Variants in CNTNAP2 observed in about 807,000 individuals in gnomAD.
The protein encoded by CNTNAP2 is contactin associated protein 2.
CNTNAP2 carries 98 observed loss-of-function variants against 155.2 expected under a neutral mutation model. The observed-to-expected ratio is 0.63, with a 90% CI of 0.54 to 0.75. CNTNAP2 has a LOEUF of 0.75. CNTNAP2 is among the 30% of genes least tolerant of loss of function. CNTNAP2 has a pLI of 0.00. For synonymous variants in CNTNAP2, 651 were observed against 631.2 expected (o/e 1.03, Z -0.47); for missense variants, 1,727 against 1,688.1 (o/e 1.02, Z -0.40).
intron 2 of CNTNAP2, among the ~76,000 whole-genome samples, chr7:146,816,860 C>CA (rs1803181046): frequency 6.6e-6 from 1 of 152,154 alleles, no homozygotes; most frequent in South Asian, 2.1e-4. Flanking sequence ...AAAACATGTG[C>CA]AATAGCACTT....
At chr7:147,441,824 T>A (rs1346737761) in intron 10 of CNTNAP2, among the ~76,000 whole-genome samples, 3 of 94,480 alleles carry the variant, frequency 3.2e-5, no homozygotes, top group Non-Finnish European at 7.7e-5. Context: ...TCTCTCTCTC[T>A]CTCTCTCTCT....
At chr7:146,157,589 C>A (rs113298781) in intron 1 of CNTNAP2, among the ~76,000 whole-genome samples, 149 of 152,306 alleles carry the variant, frequency 9.8e-4, no homozygotes, top group African/African-American at 3.3e-3. Context: ...GACATTATAT[C>A]CCGTGCATGG....
At chr7:147,413,660 A>T (rs1797140401) in intron 10 of CNTNAP2, among the ~76,000 whole-genome samples, 1 of 152,184 alleles carries the variant, frequency 6.6e-6, no homozygotes, top group Admixed American at 6.5e-5. Context: ...ATCATCTGGG[A>T]TCTTGTCAAA....
At chr7:147,439,923 G>A (rs774046733) in intron 10 of CNTNAP2, among the ~76,000 whole-genome samples, 14 of 151,954 alleles carry the variant, frequency 9.2e-5, no homozygotes, top group Admixed American at 1.3e-4. Flanking sequence ...TTCCAGTGGC[G>A]TGGAATATCT....
intron 8 of CNTNAP2, among the ~76,000 whole-genome samples, chr7:147,272,252 T>C (rs1245324454): frequency 6.6e-6 from 1 of 152,148 alleles, no homozygotes; most frequent in Non-Finnish European, 1.5e-5. Context: ...ATAACAAACT[T>C]CTACTCATCC....
chr7:146,321,859 T>A (rs957835356), intron 1 of CNTNAP2, among the ~76,000 whole-genome samples: 16 of 152,326 alleles, frequency 1.1e-4, no homozygotes, highest in Admixed American at 8.5e-4. Flanking sequence ...GAAAGCAGCC[T>A]CTGTATGGGA....
At chr7:146,484,639 AAAAGAAAG>A (rs537490583) in intron 1 of CNTNAP2, among the ~76,000 whole-genome samples, 1 of 152,102 alleles carries the variant, frequency 6.6e-6, no homozygotes, top group Non-Finnish European at 1.5e-5. Flanking sequence ...AGAAAGAAAG[AAAAGAAAG>A]AAAGAAAGAA....
In CNTNAP2 at chr7:147,402,952, G is replaced by GA. The variant is rs201092537; in HGVS notation, c.1670+7191dup. On this transcript the variant is annotated intron_variant, in intron 10 of 23. Coordinates refer to ENST00000361727, the MANE Select transcript of CNTNAP2 (RefSeq NM_014141.6). ...AGCCAAAGACATTCCAAATAATCCT[G>GA]AAAAAAAAAAAAAAAAAAACTAGTT... Among the ~76,000 whole-genome samples, 381 of 94,816 alleles carry GA rather than the reference G, an allele frequency of 4.0e-3. 1 individual carries two copies. Among genetic ancestry groups the GA allele is most frequent in the Middle Eastern group, 0.012 (2 of 162 alleles). 62.2% of individuals were successfully genotyped at this position (94,816 alleles called of 152,430 possible).
At chr7:147,069,362 A>G (rs779787596) in intron 4 of CNTNAP2, among the ~76,000 whole-genome samples, 1 of 152,204 alleles carries the variant, frequency 6.6e-6, no homozygotes, top group Non-Finnish European at 1.5e-5. Flanking sequence ...CATAACCATA[A>G]TCAGAAAAGA....
chr7:148,208,437 A>G (rs1795490233), intron 18 of CNTNAP2, among the ~76,000 whole-genome samples: 1 of 152,138 alleles, frequency 6.6e-6, no homozygotes, highest in Non-Finnish European at 1.5e-5. Context: ...ATGAGTGAGT[A>G]TAGAGTGTGA....
At chr7:148,164,322 G>A (rs1805608007) in intron 17 of CNTNAP2, among the ~76,000 whole-genome samples, 1 of 152,166 alleles carries the variant, frequency 6.6e-6, no homozygotes, top group Non-Finnish European at 1.5e-5. Flanking sequence ...AGAAATAGCA[G>A]GTACAGAATT....
intron 1 of CNTNAP2, among the ~76,000 whole-genome samples, chr7:146,237,552 T>G (rs1584818931): frequency 6.6e-6 from 1 of 152,192 alleles, no homozygotes; most frequent in Non-Finnish European, 1.5e-5. Context: ...AAAGGAGTAA[T>G]TATTTTTGCT....
intron 3 of CNTNAP2, among the ~76,000 whole-genome samples, chr7:146,900,421 A>C (rs1302086061): frequency 1.3e-5 from 2 of 152,206 alleles, no homozygotes; most frequent in Non-Finnish European, 2.9e-5. Flanking sequence ...GTTTTTCAAG[A>C]GGGAAAGCAG....
intron 3 of CNTNAP2, among the ~76,000 whole-genome samples, chr7:146,887,304 A>C (rs911312389): frequency 1.3e-5 from 2 of 151,532 alleles, no homozygotes; most frequent in African/African-American, 4.9e-5. Flanking sequence ...GCCCACCACC[A>C]CACCCAACTG....
At chr7:148,134,119 C>G (rs1450574464) in intron 16 of CNTNAP2, among the ~76,000 whole-genome samples, 2 of 152,140 alleles carry the variant, frequency 1.3e-5, no homozygotes, top group Admixed American at 1.3e-4. Context: ...CAGGCCTTGT[C>G]GGAAATTAGT....
At chr7:148,082,973 G>A (rs572520945) in intron 15 of CNTNAP2, among the ~76,000 whole-genome samples, 5 of 152,030 alleles carry the variant, frequency 3.3e-5, no homozygotes, top group East Asian at 1.9e-4. Flanking sequence ...CACTGCACCC[G>A]GCCTGAACTT....
chr7:148,371,205 GA>G (rs941706357), intron 21 of CNTNAP2, among the ~76,000 whole-genome samples: 6 of 151,154 alleles, frequency 4.0e-5, no homozygotes, highest in East Asian at 3.9e-4. Context: ...AACAAAACTG[GA>G]AAAAAAAATC....
At chr7:147,148,896 G>A (rs1801769866) in intron 8 of CNTNAP2, among the ~76,000 whole-genome samples, 1 of 152,208 alleles carries the variant, frequency 6.6e-6, no homozygotes, top group African/African-American at 2.4e-5. Context: ...CTGACTTCAG[G>A]AATGAAGCCG....
At chr7:146,818,943 T>G (rs1446014518) in intron 2 of CNTNAP2, among the ~76,000 whole-genome samples, 1 of 152,064 alleles carries the variant, frequency 6.6e-6, no homozygotes, top group Non-Finnish European at 1.5e-5. Flanking sequence ...GTAGGTAAAT[T>G]TTTAAATAAT....
Sources: allele counts gnomAD v4.1 joint callset (sites outside exome capture counted in the v4.1 genomes callset), GRCh38; gene constraint gnomAD v4.1.1; transcripts MANE v1.5; gene names NCBI Gene and HGNC (gene_info 2026-07-23, HGNC 2026-07-21).